The following DELE1 variants were observed in gnomAD, a reference collection of about 807,000 sequenced individuals.
DELE1 encodes DAP3 binding cell death enhancer 1.
In DELE1, 54 loss-of-function variants were observed where a neutral mutation model predicts 59.3. That is an observed-to-expected ratio of 0.91 (90% CI 0.73 to 1.14). DELE1 has a LOEUF of 1.14. Ranked by LOEUF, DELE1 falls within the 50% of genes most tolerant of loss-of-function variation. DELE1 has a pLI of 0.00. For missense variants in DELE1, 636 were observed against 643.9 expected (o/e 0.99, Z 0.13); for synonymous variants, 264 against 259.1 (o/e 1.02, Z -0.18).
intron 11 of DELE1, 147 bp from the exon 12 acceptor site, chr5:141,938,374 G>A: frequency 8.0e-7 from 1 of 1,244,202 alleles, no homozygotes. Context: ...CCCTTCTAGG[G>A]CTCTAAGAGC....
In DELE1 at chr5:141,940,592, C is replaced by T. The variant is rs368976175; in HGVS notation, c.*1833C>T. 9.4e-4 allele frequency: 926 copies of T among 985,754 alleles called. 4 individuals are homozygous for T. In the African/African-American group the frequency reaches 0.015, roughly 16 times the overall value. 61.1% of individuals were successfully genotyped at this position (985,754 alleles called of 1,614,324 possible). A position where few individuals can be genotyped will look rare whatever the true frequency, so the allele number is the denominator to read the frequency against. On this transcript the variant is annotated 3_prime_UTR_variant, in exon 12 of 12. Transcript: ENST00000432126. The stretch of plus-strand genomic sequence containing the variant: ...TAGTGGTCCTGCCATACTTTCCTAG[C>T]ACCTCTCTTTCACCCGGGGAGCCCA...
Position 141,938,744 on chromosome 5 carries a change from A to G in DELE1, c.1533A>G (p.Arg511=), listed in dbSNP as rs1481684456. ...HPYPLERSVV[R]LGFG is the part of the protein sequence containing the mutation. ...ACCCACTGGAAAGGAGTGTTGTAAG[A>G]CTAGGTTTTGGCTAAGGTGAGATAA... Residue 511 remains arginine (R), a synonymous_variant, in exon 12 of 12, where the codon AGA becomes AGG. Coordinates refer to ENST00000432126, the MANE Select transcript of DELE1 (RefSeq NM_014773.5). 1 of 1,612,612 alleles carries G rather than the reference A, an allele frequency of 6.2e-7. No homozygotes were observed. Among genetic ancestry groups the G allele is most frequent in the East Asian group, 2.2e-5 (1 of 44,848 alleles).
intron 1 of DELE1, 83 bp downstream of exon 1, chr5:141,924,055 A>C (rs1751157336): frequency 1.0e-5 from 16 of 1,539,168 alleles, no homozygotes; most frequent in Non-Finnish European, 1.4e-5. Context: ...AAACAGCCGA[A>C]GCGATCGTGG....
At position 141,930,078 on chromosome 5, in the gene DELE1, T is replaced by G. The variant is rs1455498089; in HGVS notation, c.657+4T>G. 5 of 1,613,998 alleles carry G rather than the reference T, an allele frequency of 3.1e-6. No homozygotes were observed. The highest frequency in any genetic ancestry group is 3.4e-6 in the Non-Finnish European group (4 of 1,179,868). ...GCCTCAGCCCACTGGTGAAAAGGTA[T>G]TATCCAGATTTGGCCACCTGGATCC... On this transcript the variant is annotated splice_donor_region_variant and intron_variant, in intron 6 of 11. Transcript: ENST00000432126.
chr5:141,925,335 A>T, intron 2 of DELE1, 75 bp from the exon 3 acceptor site: 1 of 938,778 alleles, frequency 1.1e-6, no homozygotes, highest in Non-Finnish European at 1.6e-6. Context: ...TGTTGGGATT[A>T]CAGGTGTGAG....
Position 141,925,449 on chromosome 5 carries a change from G to A in DELE1, c.186G>A (p.Arg62=), listed in dbSNP as rs1751321930. 15 of 1,603,184 alleles carry A rather than the reference G, an allele frequency of 9.4e-6. No homozygotes were observed. Among genetic ancestry groups the A allele is most frequent in the Middle Eastern group, 3.3e-4 (2 of 6,036 alleles). ...GCCCAGGCACGAGCGGGGGTCCAAG[G>A]TCCCATGGATGGAAGGATGCCTTCC... is the stretch of plus-strand genomic sequence containing the variant. ...PHGPGTSGGP[R]SHGWKDAFQW... The change falls in exon 3 of 12, where the codon AGG becomes AGA. Residue 62 remains arginine, a synonymous_variant. Coordinates refer to ENST00000432126, the MANE Select transcript of DELE1 (RefSeq NM_014773.5).
At chr5:141,936,831 C>T in intron 10 of DELE1, 4 of 978,854 alleles carry the variant, frequency 4.1e-6, no homozygotes, top group Non-Finnish European at 4.9e-6. Flanking sequence ...CAACCCTCCA[C>T]CTTCGCCTCC....
chr5:141,933,437 G>C (rs1251289140), intron 8 of DELE1, 36 bp downstream of exon 8: 1 of 1,391,910 alleles, frequency 7.2e-7, no homozygotes, highest in Admixed American at 2.2e-5. Flanking sequence ...TTCTGTGCTG[G>C]GCTGCTGAGA....
At chr5:141,938,431 G>T in intron 11 of DELE1, 90 bp from the exon 12 acceptor site, 1 of 1,533,502 alleles carries the variant, frequency 6.5e-7, no homozygotes. Flanking sequence ...CAATGCCTGG[G>T]GAACCAAGCC....
intron 2 of DELE1, 35 bp downstream of exon 2, chr5:141,924,730 C>T: frequency 7.8e-7 from 1 of 1,286,042 alleles, no homozygotes; most frequent in Non-Finnish European, 1.1e-6. Flanking sequence ...CATTTCCTCC[C>T]CTAGTCACCC....
At chr5:141,933,111 AATATAT>A (rs1171787891) in intron 7 of DELE1, 142 bp from the exon 8 acceptor site, 63 of 94,568 alleles carry the variant, frequency 6.7e-4, no homozygotes, top group South Asian at 2.1e-3. Context: ...AAAAAAAAAA[AATATAT>A]ATATATATAT....
At position 141,939,121 on chromosome 5, in the gene DELE1, CT is replaced by C; in HGVS notation, c.*363del. On this transcript the variant is annotated 3_prime_UTR_variant, in exon 12 of 12. Coordinates refer to ENST00000432126, the MANE Select transcript of DELE1 (RefSeq NM_014773.5). ...TGCCTGGGTTTTCTCACACTTAAAT[CT>C]GTACTACTGTTTGCCAATGTCTGAT... The C allele has an allele frequency of 9.8e-7, 1 of 1,017,138 alleles. No homozygotes were observed. Among genetic ancestry groups the C allele is most frequent in the Non-Finnish European group, 1.2e-6 (1 of 849,458 alleles). 63.0% of individuals were successfully genotyped at this position (1,017,138 alleles called of 1,614,324 possible). A position where few individuals can be genotyped will look rare whatever the true frequency, so the allele number is the denominator to read the frequency against.
chr5:141,925,966 G>A (rs1751374706), intron 3 of DELE1, among the ~76,000 whole-genome samples: 1 of 151,852 alleles, frequency 6.6e-6, no homozygotes, highest in Admixed American at 6.6e-5. Flanking sequence ...TGCAACCTCC[G>A]TCTCCCGGGT....
chr5:141,925,976 T>G lies in DELE1; in HGVS notation c.264+449T>G, dbSNP rs1596588815. 4.6e-5 allele frequency among the ~76,000 whole-genome samples: 7 copies of G among 151,986 alleles called. No homozygotes were observed. The South Asian group carries it at 1.5e-3, about 32-fold the overall frequency. ...CTCACTGCAACCTCCGTCTCCCGGG[T>G]TCAAGCAATTCTCCTGCTTCAGCCT... On this transcript the variant is annotated intron_variant, in intron 3 of 11. Transcript: ENST00000432126.
At chr5:141,937,625 T>G (rs976076242) in intron 11 of DELE1, among the ~76,000 whole-genome samples, 1 of 150,262 alleles carries the variant, frequency 6.7e-6, no homozygotes, top group African/African-American at 2.4e-5. Flanking sequence ...AAAAAAAAAT[T>G]AGTTGGGCGT....
At chr5:141,929,068 G>A (rs1430877144) in intron 4 of DELE1, among the ~76,000 whole-genome samples, 3 of 152,274 alleles carry the variant, frequency 2.0e-5, no homozygotes, top group Non-Finnish European at 4.4e-5. Context: ...TGCTTAGGGT[G>A]GGAGATCAGC....
Position 141,941,117 on chromosome 5 carries a change from C to T in DELE1, c.*2358C>T. 3 of 985,454 alleles carry T rather than the reference C, an allele frequency of 3.0e-6. No individual in the cohort carries two copies. Among genetic ancestry groups the T allele is most frequent in the Non-Finnish European group, 3.6e-6 (3 of 829,964 alleles). 61.0% of individuals were successfully genotyped at this position (985,454 alleles called of 1,614,324 possible). A position where few individuals can be genotyped will look rare whatever the true frequency, so the allele number is the denominator to read the frequency against. On this transcript the variant is annotated 3_prime_UTR_variant, in exon 12 of 12. Coordinates refer to ENST00000432126, the MANE Select transcript of DELE1 (RefSeq NM_014773.5). ...ACCGTGTGCCCTCCCTGTGGAGCCC[C>T]ACTCCCCAGCCTCCTCCCCTCTGTG...
chr5:141,929,399 C>T (rs1751697300), intron 4 of DELE1, among the ~76,000 whole-genome samples, 183 bp from the exon 5 acceptor site: 1 of 152,200 alleles, frequency 6.6e-6, no homozygotes. Flanking sequence ...CAGGCATGTG[C>T]CACTGCACCC....
At chr5:141,932,995 T>G (rs930224146) in intron 7 of DELE1, among the ~76,000 whole-genome samples, 1 of 150,436 alleles carries the variant, frequency 6.6e-6, no homozygotes, top group African/African-American at 2.4e-5. Context: ...CTTGGGAGGC[T>G]GAGGCAGGAG....
Sources: allele counts gnomAD v4.1 joint callset (sites outside exome capture counted in the v4.1 genomes callset), GRCh38; gene constraint gnomAD v4.1.1; transcripts MANE v1.5; gene names NCBI Gene and HGNC (gene_info 2026-07-23, HGNC 2026-07-21).